The following TEX14 variants were observed in gnomAD, a reference collection of about 807,000 sequenced individuals.
TEX14 encodes the protein testis expressed 14, intercellular bridge forming factor, also known as inactive serine/threonine-protein kinase TEX14.
Under a neutral mutation model 178.6 loss-of-function variants are expected in TEX14, and 168 were observed. The ratio of observed to expected loss-of-function variants is 0.94; its 90% confidence interval spans 0.83 to 1.07. The LOEUF (loss-of-function observed/expected upper bound fraction) is 1.07, where lower values mean the gene tolerates loss of function less well. TEX14 is among the 50% of genes least tolerant of loss of function. The pLI is 0.00. For synonymous variants in TEX14, 626 were observed against 634.1 expected (o/e 0.99, Z 0.19); for missense variants, 1,730 against 1,753.6 (o/e 0.99, Z 0.24).
chr17:58,653,643 C>G (rs921391792), intron 1 of TEX14, among the ~76,000 whole-genome samples: 1 of 152,146 alleles, frequency 6.6e-6, no homozygotes, highest in Non-Finnish European at 1.5e-5. Context: ...CTTTCCATCT[C>G]CTTATTCTGC....
intron 12 of TEX14, 143 bp from the exon 13 acceptor site, chr17:58,602,099 T>TAG: frequency 1.2e-6 from 1 of 849,920 alleles, no homozygotes; most frequent in Non-Finnish European, 1.8e-6. Context: ...ACTAGTTTAT[T>TAG]GTTATTGCCA....
intron 21 of TEX14, among the ~76,000 whole-genome samples, chr17:58,575,568 G>C (rs1210056551): frequency 1.3e-5 from 2 of 152,114 alleles, no homozygotes; most frequent in Non-Finnish European, 1.5e-5. Flanking sequence ...TGGCCCTCTT[G>C]ATTTACATAA....
intron 1 of TEX14, among the ~76,000 whole-genome samples, chr17:58,664,528 C>T (rs895970705): frequency 6.6e-6 from 1 of 152,130 alleles, no homozygotes; most frequent in Admixed American, 6.6e-5. Context: ...AGGTCCAGTC[C>T]GCTGGCCTAG....
chr17:58,649,520 G>C (rs2046794676), intron 2 of TEX14, among the ~76,000 whole-genome samples: 1 of 152,112 alleles, frequency 6.6e-6, no homozygotes, highest in Non-Finnish European at 1.5e-5. Context: ...ATGAAGTCCT[G>C]TTCTATATCC....
rs775363628 is a variant in TEX14, at chr17:58,613,524, A to G, written c.902T>C (p.Leu301Ser). 6.2e-7 allele frequency: 1 copy of G among 1,614,182 alleles called. No individual in the cohort carries two copies. The highest frequency in any genetic ancestry group is 8.5e-7 in the Non-Finnish European group (1 of 1,180,016). ...EHSSKLRHPY[L>S]LQLMAVCLSQ... Reference sequence around the variant, plus strand: ...GAGACACACAGCCATCAACTGTAGCAAGTAGGGGTGCCGCAGCTTGCTGCA... The same window carrying G: ...GAGACACACAGCCATCAACTGTAGCGAGTAGGGGTGCCGCAGCTTGCTGCA... The change falls in exon 9 of 32, where the codon TTG becomes TCG. Residue 301 changes from leucine (L) to serine (S), a missense_variant. Leu to Ser is a moderately radical substitution (Grantham distance 145). Coordinates refer to ENST00000349033, the MANE Select transcript of TEX14 (RefSeq NM_031272.5).
At chr17:58,687,728 TGTCTCCAGAA>T (rs1229934833) in intron 1 of TEX14, among the ~76,000 whole-genome samples, 1 of 152,170 alleles carries the variant, frequency 6.6e-6, no homozygotes, top group Non-Finnish European at 1.5e-5. Flanking sequence ...TCCTCTCCTA[TGTCTCCAGAA>T]ACAGCCTAGT....
At chr17:58,623,533 C>T (rs915907158) in intron 3 of TEX14, among the ~76,000 whole-genome samples, 1 of 152,066 alleles carries the variant, frequency 6.6e-6, no homozygotes, top group African/African-American at 2.4e-5. Context: ...CAAGGATCTA[C>T]ACCTCAGAAA....
intron 1 of TEX14, among the ~76,000 whole-genome samples, chr17:58,674,839 G>GAAA (rs1169811140): frequency 1.6e-5 from 2 of 123,398 alleles, no homozygotes; most frequent in Non-Finnish European, 3.5e-5. Context: ...GAGGCCTTTG[G>GAAA]AAAAAAAAAA....
At chr17:58,690,009 C>A (rs1184723737) in intron 1 of TEX14, among the ~76,000 whole-genome samples, 2 of 149,482 alleles carry the variant, frequency 1.3e-5, no homozygotes, top group Non-Finnish European at 3.0e-5. Flanking sequence ...ACCACCGCAC[C>A]CAGCTAATTT....
At chr17:58,587,449 GA>G in intron 17 of TEX14, 131 bp downstream of exon 17, 3 of 532,200 alleles carry the variant, frequency 5.6e-6, no homozygotes, top group Non-Finnish European at 9.6e-6. Context: ...TATAATAAAA[GA>G]AAAAAATTCA....
At chr17:58,574,321 G>C (rs2044620683) in intron 21 of TEX14, 72 bp from the exon 22 acceptor site, 1 of 1,186,108 alleles carries the variant, frequency 8.4e-7, no homozygotes, top group East Asian at 2.4e-5. Context: ...CTTGCTACAA[G>C]GAACCAGTTG....
chr17:58,570,274 A>G, intron 25 of TEX14, 111 bp downstream of exon 25: 1 of 624,878 alleles, frequency 1.6e-6, no homozygotes, highest in Non-Finnish European at 2.6e-6. Flanking sequence ...TTTTATAATC[A>G]TGGGGAAAAC....
intron 15 of TEX14, 65 bp downstream of exon 15, chr17:58,593,489 TG>T: frequency 1.7e-6 from 2 of 1,173,042 alleles, no homozygotes; most frequent in Non-Finnish European, 2.6e-6. Flanking sequence ...GATCACTGAG[TG>T]GCCTCAGAGA....
chr17:58,649,880 C>T (rs1045645834), intron 2 of TEX14, among the ~76,000 whole-genome samples: 7 of 151,974 alleles, frequency 4.6e-5, no homozygotes, highest in Non-Finnish European at 1.0e-4. Context: ...GCTGGGACTA[C>T]AGGTGCCCAC....
At chr17:58,620,731 G>A (rs973480360) in intron 5 of TEX14, among the ~76,000 whole-genome samples, 1 of 152,100 alleles carries the variant, frequency 6.6e-6, no homozygotes, top group East Asian at 1.9e-4. Context: ...CTGACCTCAG[G>A]TGATCCACCC....
Position 58,611,213 on chromosome 17 carries a change from T to C in TEX14, c.1132A>G (p.Ile378Val). Residue 378 changes from isoleucine to valine, a missense_variant, in exon 10 of 32, where the codon ATC becomes GTC. Ile to Val is a conservative substitution (Grantham distance 29). Around this residue, in one of 2 missense-constraint regions of TEX14, gnomAD observed 789 missense variants for 681.2 expected, o/e 1.16. Coordinates refer to ENST00000349033, the MANE Select transcript of TEX14 (RefSeq NM_031272.5). ...HRSLSSYAVH[I>V]ISPGEARLTN... The stretch of plus-strand genomic sequence containing the variant: ...AGCCTCGCTTCACCTGGGGAGATGA[T>C]ATGGACAGCATAGGAGCTGAGGGAG... 5 of 1,613,944 alleles carry C rather than the reference T, an allele frequency of 3.1e-6. No homozygotes were observed. Among genetic ancestry groups the C allele is most frequent in the South Asian group, 1.1e-5 (1 of 91,064 alleles).
At chr17:58,672,807 CTG>C (rs2143488864) in intron 1 of TEX14, among the ~76,000 whole-genome samples, 2 of 151,908 alleles carry the variant, frequency 1.3e-5, no homozygotes, top group South Asian at 4.2e-4. Context: ...TCTCGGCTTA[CTG>C]CAACCTTTGC....
At chr17:58,559,641 AAAC>A (rs10699411) in intron 29 of TEX14, 79 bp from the exon 30 acceptor site, 252 of 696,912 alleles carry the variant, frequency 3.6e-4, no homozygotes, top group Middle Eastern at 2.5e-3. Flanking sequence ...AACAAAAAAC[AAAC>A]AACAACAACA....
intron 11 of TEX14, among the ~76,000 whole-genome samples, chr17:58,603,904 T>TGA (rs1699358590): frequency 8.1e-6 from 1 of 123,356 alleles, no homozygotes; most frequent in East Asian, 2.1e-4. Context: ...TGTGTGTGTG[T>TGA]GTGTGTGTGT....
Sources: allele counts gnomAD v4.1 joint callset (sites outside exome capture counted in the v4.1 genomes callset), GRCh38; gene constraint gnomAD v4.1.1; regional missense constraint gnomAD v4.1.1; transcripts MANE v1.5; gene names NCBI Gene and HGNC (gene_info 2026-07-23, HGNC 2026-07-21).